The following SIK3 variants were observed in gnomAD, a reference collection of about 807,000 sequenced individuals.
The protein encoded by SIK3 is SIK family kinase 3.
A neutral mutation model predicts 144.2 loss-of-function variants in SIK3; 28 were observed. The observed-to-expected ratio is 0.19, with a 90% CI of 0.14 to 0.27. The LOEUF is 0.27. Ranked by LOEUF, SIK3 falls within the 10% of genes least tolerant of loss-of-function variation. The pLI, the probability that SIK3 is intolerant of heterozygous loss-of-function variation, is 1.00. For synonymous variants in SIK3, 686 were observed against 676.3 expected (o/e 1.01, Z -0.22); for missense variants, 1,319 against 1,776.0 (o/e 0.74, Z 4.62).
intron 3 of SIK3, among the ~76,000 whole-genome samples, chr11:116,947,261 AT>A (rs1172963642): frequency 9.9e-6 from 1 of 101,360 alleles, no homozygotes; most frequent in Non-Finnish European, 2.1e-5. Flanking sequence ...TTATTTATAT[AT>A]TATATATATA....
At chr11:116,993,272 T>C (rs11216220) in intron 1 of SIK3, among the ~76,000 whole-genome samples, 22,925 of 152,130 alleles carry the variant, frequency 0.15, 2,443 homozygotes, top group African/African-American at 0.3. Flanking sequence ...TTTAAAAAAA[T>C]AAATCACAGC....
At chr11:117,055,929 C>A (rs548765073) in intron 1 of SIK3, among the ~76,000 whole-genome samples, 1 of 152,164 alleles carries the variant, frequency 6.6e-6, no homozygotes, top group Non-Finnish European at 1.5e-5. Flanking sequence ...AATGAACCTG[C>A]CAGTGCCCTC....
At position 116,847,536 on chromosome 11, in the gene SIK3, C is replaced by T. The variant is rs1942069594; in HGVS notation, c.3892G>A (p.Ala1298Thr). Residue 1298 changes from alanine to threonine, a missense_variant, in exon 23 of 25, where the codon GCA becomes ACA. By Grantham distance (58) the Ala-to-Thr change is moderately conservative. Transcript: ENST00000445177. ...KALSSARMSD[A>T]VLSQSSLMGS... is the part of the protein sequence containing the mutation. ...ATGAGCGAAGACTGACTGAGAACTG[C>T]ATCCGACATCCGGGCAGAGCTAAGT... is the stretch of plus-strand genomic sequence containing the variant. 1.2e-6 allele frequency: 2 copies of T among 1,614,230 alleles called. No individual in the cohort carries two copies. The highest frequency in any genetic ancestry group is 1.7e-6 in the Non-Finnish European group (2 of 1,180,042).
intron 1 of SIK3, 118 bp from the exon 2 acceptor site, chr11:116,957,182 T>A: frequency 5.6e-6 from 3 of 538,754 alleles, no homozygotes; most frequent in Non-Finnish European, 9.8e-6. Context: ...GTATTCTGTT[T>A]ACAGAATGTC....
intron 3 of SIK3, among the ~76,000 whole-genome samples, chr11:116,947,200 A>C (rs1445731691): frequency 2.4e-5 from 3 of 126,348 alleles, no homozygotes; most frequent in Admixed American, 1.6e-4. Context: ...TTATATACAA[A>C]TTATTATTTA....
At chr11:116,900,488 T>C (rs76402668) in intron 4 of SIK3, among the ~76,000 whole-genome samples, 3,767 of 152,298 alleles carry the variant, frequency 0.025, 86 homozygotes, top group South Asian at 0.11. Context: ...TCAAAAAACA[T>C]GGGCTGCCTC....
chr11:116,975,985 TG>T (rs1949935647), intron 1 of SIK3, among the ~76,000 whole-genome samples: 1 of 152,208 alleles, frequency 6.6e-6, no homozygotes, highest in Non-Finnish European at 1.5e-5. Context: ...AATCTTTCCA[TG>T]TGTTTGTGGA....
At chr11:116,997,452 A>G (rs1950708191) in intron 1 of SIK3, among the ~76,000 whole-genome samples, 1 of 152,242 alleles carries the variant, frequency 6.6e-6, no homozygotes, top group Non-Finnish European at 1.5e-5. Context: ...ATTCTATATC[A>G]AAACACTTTA....
chr11:116,862,050 C>A, intron 17 of SIK3, 124 bp from the exon 18 acceptor site: 2 of 1,296,284 alleles, frequency 1.5e-6, no homozygotes, highest in Non-Finnish European at 1.1e-6. Context: ...TTGTTGTTCA[C>A]CAGAAGGTCT....
chr11:117,000,618 C>G (rs776634525), intron 1 of SIK3, among the ~76,000 whole-genome samples: 4 of 152,182 alleles, frequency 2.6e-5, no homozygotes, highest in Non-Finnish European at 4.4e-5. Context: ...ATAACTGATT[C>G]ATCTCTTCCT....
intron 1 of SIK3, among the ~76,000 whole-genome samples, chr11:117,066,667 C>A (rs1344717821): frequency 6.6e-6 from 1 of 151,874 alleles, no homozygotes; most frequent in Non-Finnish European, 1.5e-5. Flanking sequence ...TCCTGAATAG[C>A]TGGGACTAAA....
intron 1 of SIK3, among the ~76,000 whole-genome samples, chr11:116,977,598 T>C (rs1456115591): frequency 6.6e-6 from 1 of 152,162 alleles, no homozygotes; most frequent in Non-Finnish European, 1.5e-5. Flanking sequence ...TGGAGGTATT[T>C]AACAAACAGC....
Position 117,023,619 on chromosome 11 carries a change from A to ATATATATATAT in SIK3, c.274-66556_274-66555insATATATATATA, listed in dbSNP as rs374740569. 6.2e-3 allele frequency among the ~76,000 whole-genome samples: 621 copies of ATATATATATAT among 99,680 alleles called. 8 individuals carry two copies. Among genetic ancestry groups the ATATATATATAT allele is most frequent in the African/African-American group, 0.029 (566 of 19,760 alleles). 65.4% of individuals were successfully genotyped at this position (99,680 alleles called of 152,430 possible). A position where few individuals can be genotyped will look rare whatever the true frequency, so the allele number is the denominator to read the frequency against. The stretch of plus-strand genomic sequence containing the variant: ...AAACAAACAAACAAACAAAAAAAAA[A>ATATATATATAT]AAATATATATATATATATATATATA... On this transcript the variant is annotated intron_variant, in intron 1 of 24. Coordinates refer to ENST00000445177, the MANE Select transcript of SIK3 (RefSeq NM_001366686.3).
In SIK3 at chr11:116,897,045, A is replaced by G. The variant is rs1045961293; in HGVS notation, c.741+148T>C. On this transcript the variant is annotated intron_variant, in intron 5 of 24. Transcript: ENST00000445177. ...CTGTTTCAAAAAAAAAAAAAAAAAAAGGCTTTGCACAGGAATTGGGACTTG... is the reference window on the plus strand; with the variant it reads ...CTGTTTCAAAAAAAAAAAAAAAAAAGGGCTTTGCACAGGAATTGGGACTTG... 2.6e-5 allele frequency: 15 copies of G among 581,332 alleles called. No individual in the cohort carries two copies. In the East Asian group the frequency reaches 3.6e-4, roughly 14 times the overall value. 36.0% of individuals were successfully genotyped at this position (581,332 alleles called of 1,614,324 possible).
chr11:116,885,708 AACTT>A (rs1944782375), intron 6 of SIK3, among the ~76,000 whole-genome samples: 1 of 152,208 alleles, frequency 6.6e-6, no homozygotes, highest in Non-Finnish European at 1.5e-5. Context: ...TTCTTGGACT[AACTT>A]ACTATGTATT....
intron 4 of SIK3, among the ~76,000 whole-genome samples, chr11:116,914,661 T>A (rs1320834343): frequency 6.6e-6 from 1 of 152,184 alleles, no homozygotes; most frequent in African/African-American, 2.4e-5. Flanking sequence ...CTGGATGAGT[T>A]TTAAGGAAAA....
In SIK3 at chr11:116,957,562, A is replaced by G. The variant is rs1019650014; in HGVS notation, c.274-498T>C. On this transcript the variant is annotated intron_variant, in intron 1 of 24. Coordinates refer to ENST00000445177, the MANE Select transcript of SIK3 (RefSeq NM_001366686.3). ...ATGCTTGTAGAACTCAATAATAATA[A>G]TAATAGTAGCAGTGATGGTGGTGGC... Among the ~76,000 whole-genome samples the G allele has an allele frequency of 5.3e-5, 8 of 152,318 alleles. No individual in the cohort carries two copies. The South Asian group carries it at 8.3e-4, about 16-fold the overall frequency.
chr11:117,095,212 AAAAG>A (rs1363046285), intron 1 of SIK3, among the ~76,000 whole-genome samples: 5 of 145,484 alleles, frequency 3.4e-5, no homozygotes, highest in Non-Finnish European at 6.0e-5. Context: ...AAAAAAAAAA[AAAAG>A]GAGGGGGATC....
At chr11:116,985,357 A>C (rs1223353068) in intron 1 of SIK3, among the ~76,000 whole-genome samples, 1 of 152,220 alleles carries the variant, frequency 6.6e-6, no homozygotes, top group Non-Finnish European at 1.5e-5. Context: ...CTCCAGTTTT[A>C]GGCAATGCAA....
Sources: allele counts gnomAD v4.1 joint callset (sites outside exome capture counted in the v4.1 genomes callset), GRCh38; gene constraint gnomAD v4.1.1; transcripts MANE v1.5; gene names NCBI Gene and HGNC (gene_info 2026-07-23, HGNC 2026-07-21).